DAB1: variants seen among roughly 807,000 people sequenced by gnomAD.
The protein encoded by DAB1 is disabled homolog 1.
A neutral mutation model predicts 64.6 loss-of-function variants in DAB1; 15 were observed. That is an observed-to-expected ratio of 0.23 (90% CI 0.16 to 0.36). The LOEUF is 0.36. DAB1 is among the 10% of genes least tolerant of loss of function. The pLI is 1.00. For missense variants in DAB1, 596 were observed against 706.7 expected (o/e 0.84, Z 1.78); for synonymous variants, 235 against 251.9 (o/e 0.93, Z 0.64).
intron 1 of DAB1, among the ~76,000 whole-genome samples, chr1:57,315,420 T>C (rs1489209884): frequency 6.6e-6 from 1 of 152,178 alleles, no homozygotes; most frequent in Admixed American, 6.5e-5. Context: ...AAATATTTGC[T>C]GGATGAACAG....
intron 7 of DAB1, among the ~76,000 whole-genome samples, chr1:57,471,926 C>T (rs143497580): frequency 6.6e-6 from 1 of 152,274 alleles, no homozygotes; most frequent in Non-Finnish European, 1.5e-5. Context: ...ATAAGTGTCA[C>T]ACAGTTAGAA....
intron 2 of DAB1, among the ~76,000 whole-genome samples, chr1:57,258,378 A>G (rs1264704159): frequency 6.6e-6 from 1 of 152,096 alleles, no homozygotes; most frequent in Non-Finnish European, 1.5e-5. Flanking sequence ...CTGATCAATC[A>G]TCATCCTCCC....
intron 5 of DAB1, among the ~76,000 whole-genome samples, chr1:58,082,897 T>C (rs896597764): frequency 1.3e-5 from 2 of 152,132 alleles, no homozygotes; most frequent in Non-Finnish European, 2.9e-5. Context: ...GGCAAGTCTG[T>C]AGACTGTGGG....
At chr1:58,056,580 GCTCTGCCTT>G in intron 5 of DAB1, 2 of 725,102 alleles carry the variant, frequency 2.8e-6, no homozygotes, top group East Asian at 5.1e-5. Flanking sequence ...TGGCTCTCAG[GCTCTGCCTT>G]CTCATCAATG....
At chr1:58,411,660 C>T (rs1332517448) in intron 3 of DAB1, among the ~76,000 whole-genome samples, 1 of 152,118 alleles carries the variant, frequency 6.6e-6, no homozygotes, top group Non-Finnish European at 1.5e-5. Flanking sequence ...AAAGTGTATA[C>T]TGTTCAAAGA....
At chr1:58,124,603 G>C (rs2100679241) in intron 5 of DAB1, among the ~76,000 whole-genome samples, 1 of 152,264 alleles carries the variant, frequency 6.6e-6, no homozygotes, top group South Asian at 2.1e-4. Flanking sequence ...TCAGAGAAAT[G>C]ATTAAATACT....
At chr1:57,035,298 T>A (rs1020000487) in intron 9 of DAB1, among the ~76,000 whole-genome samples, 2 of 152,164 alleles carry the variant, frequency 1.3e-5, no homozygotes, top group Admixed American at 6.5e-5. Flanking sequence ...TCTCATTACA[T>A]CTGTCCAATA....
Position 57,412,213 on chromosome 1 carries a change from C to T in DAB1, c.-137+11717G>A, listed in dbSNP as rs191059065. 1.6e-4 allele frequency among the ~76,000 whole-genome samples: 25 copies of T among 152,318 alleles called. No homozygotes were observed. In the East Asian group the frequency reaches 4.2e-3, roughly 26 times the overall value. ...CTGCTCCACTGACTGGCAGTTCCCC[C>T]GTCTACTTTCCCCTTCCTCTGGCCT... On this transcript the variant is annotated intron_variant, in intron 1 of 14. Coordinates refer to ENST00000371236, the MANE Select transcript of DAB1 (RefSeq NM_001365792.1).
At chr1:57,883,807 G>A (rs1050206183) in intron 1 of DAB1, among the ~76,000 whole-genome samples, 1 of 152,196 alleles carries the variant, frequency 6.6e-6, no homozygotes, top group East Asian at 1.9e-4. Flanking sequence ...GCTGGCTACC[G>A]CCTCATTGAA....
intron 11 of DAB1, among the ~76,000 whole-genome samples, chr1:57,015,975 A>G (rs1317472860): frequency 6.6e-6 from 1 of 152,186 alleles, no homozygotes; most frequent in African/African-American, 2.4e-5. Context: ...CTTCTTATCT[A>G]TGTAATTTGG....
intron 4 of DAB1, among the ~76,000 whole-genome samples, chr1:58,246,801 T>C (rs764225885): frequency 2.6e-5 from 4 of 152,110 alleles, no homozygotes; most frequent in African/African-American, 9.7e-5. Context: ...GTGAATGTAA[T>C]GCGTACGCAT....
chr1:57,987,766 G>T (rs993770589), intron 5 of DAB1, among the ~76,000 whole-genome samples: 2 of 152,036 alleles, frequency 1.3e-5, no homozygotes, highest in South Asian at 2.1e-4. Flanking sequence ...GTTTTAATTT[G>T]CTGGTGAAGG....
At chr1:57,413,700 C>T (rs546973091) in intron 1 of DAB1, among the ~76,000 whole-genome samples, 6 of 144,290 alleles carry the variant, frequency 4.2e-5, no homozygotes, top group South Asian at 2.2e-4. Context: ...GCTGAGATCG[C>T]GCCACTGCAC....
intron 6 of DAB1, among the ~76,000 whole-genome samples, chr1:57,659,747 T>C (rs960306418): frequency 7.9e-5 from 12 of 151,834 alleles, no homozygotes; most frequent in African/African-American, 2.9e-4. Flanking sequence ...GAGGCTGAGG[T>C]GGGCAGATGG....
intron 5 of DAB1, among the ~76,000 whole-genome samples, chr1:57,994,695 C>T (rs962737911): frequency 6.6e-6 from 1 of 152,086 alleles, no homozygotes; most frequent in African/African-American, 2.4e-5. Flanking sequence ...AGGATAGCAT[C>T]CAACACTGGG....
intron 6 of DAB1, among the ~76,000 whole-genome samples, chr1:57,769,876 T>C (rs1649482095): frequency 6.6e-6 from 1 of 152,132 alleles, no homozygotes; most frequent in African/African-American, 2.4e-5. Context: ...CCTTCTCCTG[T>C]GTCCTGAGGC....
chr1:58,176,304 CT>C (rs1195545333), intron 4 of DAB1, among the ~76,000 whole-genome samples: 2 of 152,164 alleles, frequency 1.3e-5, no homozygotes, highest in Non-Finnish European at 2.9e-5. Flanking sequence ...ACAATATTCA[CT>C]ATAGATAAAG....
intron 3 of DAB1, among the ~76,000 whole-genome samples, chr1:58,382,661 A>G (rs764435890): frequency 2.6e-5 from 4 of 152,194 alleles, no homozygotes; most frequent in Admixed American, 1.3e-4. Flanking sequence ...TTTAAAACAC[A>G]GTGTAAACTG....
chr1:57,982,213 T>C (rs79140004), intron 5 of DAB1, among the ~76,000 whole-genome samples: 3,074 of 152,288 alleles, frequency 0.02, 120 homozygotes, highest in African/African-American at 0.07. Context: ...TCAGTATTCA[T>C]TGGGTGGGCA....
Sources: gnomAD v4.1 joint callset for allele counts (sites outside exome capture counted in the v4.1 genomes callset) on GRCh38, gnomAD v4.1.1 for gene constraint, MANE v1.5 for transcripts, NCBI Gene and HGNC (gene_info 2026-07-23, HGNC 2026-07-21) for gene names.